The following ENTREP2 variants were observed in gnomAD, a reference collection of about 807,000 sequenced individuals.
The protein encoded by ENTREP2 is endosomal transmembrane epsin interactor 2, also known as protein ENTREP2.
chr15:29,429,153 GTCCATCCA>G, the ENTREP2 span, among the ~76,000 whole-genome samples: 1 of 151,072 alleles, frequency 6.6e-6, no homozygotes, highest in African/African-American at 2.4e-5. Context: ...ATGTCTATCT[GTCCATCCA>G]TCCATCCATC....
the ENTREP2 span, among the ~76,000 whole-genome samples, chr15:29,409,830 T>C: frequency 2.0e-5 from 3 of 152,168 alleles, no homozygotes; most frequent in African/African-American, 7.2e-5. Flanking sequence ...GTGTTCTGCA[T>C]TAGTTCTGCT....
the ENTREP2 span, among the ~76,000 whole-genome samples, chr15:29,556,359 A>G: frequency 1.3e-5 from 2 of 152,148 alleles, no homozygotes; most frequent in Non-Finnish European, 1.5e-5. Flanking sequence ...GGAAACAGCA[A>G]TAAGAGTCAA....
chr15:29,473,132 G>A, the ENTREP2 span, among the ~76,000 whole-genome samples: 1 of 152,142 alleles, frequency 6.6e-6, no homozygotes. Flanking sequence ...TGTTTTTCCA[G>A]CAATCTCACT....
chr15:29,324,699 AG>A, the ENTREP2 span, among the ~76,000 whole-genome samples: 3 of 152,222 alleles, frequency 2.0e-5, no homozygotes, highest in Non-Finnish European at 4.4e-5. Flanking sequence ...TCAGTTTCCA[AG>A]AAGACATAAC....
the ENTREP2 span, among the ~76,000 whole-genome samples, chr15:29,331,507 T>G: frequency 1.3e-5 from 2 of 152,152 alleles, no homozygotes; most frequent in Non-Finnish European, 2.9e-5. Flanking sequence ...CTCCAGAAAT[T>G]GACTCTCCTA....
chr15:29,426,183 G>T, the ENTREP2 span, among the ~76,000 whole-genome samples: 2 of 152,094 alleles, frequency 1.3e-5, no homozygotes, highest in African/African-American at 2.4e-5. Flanking sequence ...GAAATTTGGA[G>T]TCCACTGTAT....
chr15:29,293,938 G>C, the ENTREP2 span, among the ~76,000 whole-genome samples: 1 of 152,204 alleles, frequency 6.6e-6, no homozygotes, highest in African/African-American at 2.4e-5. Context: ...TGGGGAAACT[G>C]AGGGTGGGGG....
At chr15:29,344,620 A>C in the ENTREP2 span, among the ~76,000 whole-genome samples, 1 of 152,090 alleles carries the variant, frequency 6.6e-6, no homozygotes, top group Non-Finnish European at 1.5e-5. Flanking sequence ...AAGTTGCCTT[A>C]GTTGACCCAG....
chr15:29,656,022 T>TAAAA, the ENTREP2 span, among the ~76,000 whole-genome samples: 985 of 100,272 alleles, frequency 9.8e-3, 16 homozygotes, highest in African/African-American at 0.033. Context: ...ACACTCCGTT[T>TAAAA]AAAAAAAAAA....
chr15:29,324,966 A>C, the ENTREP2 span, among the ~76,000 whole-genome samples: 1 of 152,234 alleles, frequency 6.6e-6, no homozygotes, highest in Non-Finnish European at 1.5e-5. Flanking sequence ...AGACAAATTT[A>C]AAAGAACTGA....
chr15:29,608,462 A>T, the ENTREP2 span, among the ~76,000 whole-genome samples: 1 of 151,582 alleles, frequency 6.6e-6, no homozygotes, highest in Non-Finnish European at 1.5e-5. Context: ...CTTCCTGATC[A>T]GTCTTGGGAA....
At chr15:29,571,186 C>A in the ENTREP2 span, among the ~76,000 whole-genome samples, 2 of 151,888 alleles carry the variant, frequency 1.3e-5, no homozygotes, top group Non-Finnish European at 2.9e-5. Context: ...GTCCCAGCCT[C>A]CGCGCTCACG....
the ENTREP2 span, among the ~76,000 whole-genome samples, chr15:29,262,780 C>A: frequency 2.0e-5 from 3 of 152,220 alleles, no homozygotes; most frequent in African/African-American, 7.2e-5. Context: ...GTCAAAAGTT[C>A]CAGAGGCCTG....
At chr15:29,195,582 T>C in the ENTREP2 span, among the ~76,000 whole-genome samples, 9 of 152,230 alleles carry the variant, frequency 5.9e-5, no homozygotes, top group Admixed American at 5.2e-4. Context: ...TGGAGTGCAG[T>C]GGCACAATCT....
At chr15:29,261,956 A>C in the ENTREP2 span, among the ~76,000 whole-genome samples, 1 of 151,280 alleles carries the variant, frequency 6.6e-6, no homozygotes, top group African/African-American at 2.4e-5. Flanking sequence ...AACCCAAGGA[A>C]AGTAAAAAGA....
At chr15:29,367,732 G>T in the ENTREP2 span, among the ~76,000 whole-genome samples, 2 of 152,104 alleles carry the variant, frequency 1.3e-5, no homozygotes, top group African/African-American at 4.8e-5. Flanking sequence ...TCAAAGACTG[G>T]GAGATGTACT....
chr15:29,293,705 C>G, the ENTREP2 span, among the ~76,000 whole-genome samples: 2 of 152,196 alleles, frequency 1.3e-5, no homozygotes, highest in African/African-American at 4.8e-5. Context: ...TCTAATCCTG[C>G]AGCATGGCTT....
the ENTREP2 span, among the ~76,000 whole-genome samples, chr15:29,409,269 G>C: frequency 6.6e-6 from 1 of 152,030 alleles, no homozygotes; most frequent in African/African-American, 2.4e-5. Context: ...GTATAATCTA[G>C]AATTTTAGAT....
the ENTREP2 span, among the ~76,000 whole-genome samples, chr15:29,478,020 T>TA: frequency 6.4e-3 from 241 of 37,738 alleles, no homozygotes; most frequent in East Asian, 0.017. Flanking sequence ...TATATATATA[T>TA]TTTTTTTTTT....
Sources: allele counts gnomAD v4.1 joint callset (sites outside exome capture counted in the v4.1 genomes callset), GRCh38; gene constraint gnomAD v4.1.1; transcripts MANE v1.5; gene names NCBI Gene and HGNC (gene_info 2026-07-23, HGNC 2026-07-21).